Variants in CACNA2D3 observed in about 807,000 individuals in gnomAD.
The protein encoded by CACNA2D3 is calcium voltage-gated channel auxiliary subunit alpha2delta 3, also known as voltage-dependent calcium channel subunit alpha-2/delta-3.
A neutral mutation model predicts 160.6 loss-of-function variants in CACNA2D3; 60 were observed. The ratio of observed to expected loss-of-function variants is 0.37; its 90% CI spans 0.30 to 0.46. CACNA2D3 has a LOEUF of 0.46. CACNA2D3 is among the 20% of genes least tolerant of loss of function. CACNA2D3 has a pLI of 1.00. For synonymous variants in CACNA2D3, 558 were observed against 492.9 expected (o/e 1.13, Z -1.75); for missense variants, 1,205 against 1,365.0 (o/e 0.88, Z 1.85).
At position 54,469,732 on chromosome 3, in the gene CACNA2D3, A is replaced by G. The variant is rs188405171; in HGVS notation, c.382-33760A>G. ...TAGACTAACCAGTTTAGAGAATAACATAAATGACCTGATGGAGCTGAAAAA... is the reference window on the plus strand; with the variant it reads ...TAGACTAACCAGTTTAGAGAATAACGTAAATGACCTGATGGAGCTGAAAAA... On this transcript the variant is annotated intron_variant, in intron 4 of 37. Coordinates refer to ENST00000474759, the MANE Select transcript of CACNA2D3 (RefSeq NM_018398.3). Among the ~76,000 whole-genome samples the G allele has an allele frequency of 1.1e-3, 173 of 152,174 alleles. 2 individuals carry two copies. The highest frequency in any genetic ancestry group is 3.4e-3 in the Middle Eastern group (1 of 294).
At chr3:54,813,980 C>G (rs1337159323) in intron 13 of CACNA2D3, among the ~76,000 whole-genome samples, 1 of 151,678 alleles carries the variant, frequency 6.6e-6, no homozygotes, top group African/African-American at 2.4e-5. Context: ...TTCTCCCCAC[C>G]TCAGCCTCCC....
At chr3:54,515,195 T>TGA (rs1289904834) in intron 5 of CACNA2D3, among the ~76,000 whole-genome samples, 74 of 142,802 alleles carry the variant, frequency 5.2e-4, no homozygotes, top group African/African-American at 1.9e-3. Flanking sequence ...TGTGTGTGTG[T>TGA]GTGTGAGAGA....
intron 35 of CACNA2D3, among the ~76,000 whole-genome samples, chr3:55,028,210 A>G (rs1703607134): frequency 6.6e-6 from 1 of 152,204 alleles, no homozygotes. Flanking sequence ...CAACTCCAAA[A>G]GTGGACATTT....
intron 2 of CACNA2D3, among the ~76,000 whole-genome samples, chr3:54,238,639 G>C (rs769717019): frequency 5.3e-5 from 8 of 152,088 alleles, no homozygotes; most frequent in African/African-American, 1.9e-4. Context: ...AATATACCCT[G>C]TTTTTCCTGA....
At chr3:54,814,162 C>T (rs1417485331) in intron 13 of CACNA2D3, among the ~76,000 whole-genome samples, 1 of 152,168 alleles carries the variant, frequency 6.6e-6, no homozygotes, top group Non-Finnish European at 1.5e-5. Context: ...AGCCACTGCA[C>T]CTGGCTGGTC....
chr3:54,273,199 G>T (rs1025292971), intron 2 of CACNA2D3: 1 of 152,260 alleles, frequency 6.6e-6, no homozygotes, highest in African/African-American at 2.4e-5. Context: ...ATGTGTGAAG[G>T]CCCAGGGTTT....
intron 13 of CACNA2D3, among the ~76,000 whole-genome samples, chr3:54,776,277 G>A (rs949823155): frequency 1.3e-5 from 2 of 152,190 alleles, no homozygotes; most frequent in African/African-American, 4.8e-5. Context: ...ACTTAGCGAG[G>A]CTTAGGCAGG....
At chr3:54,908,146 T>A (rs541505333) in intron 27 of CACNA2D3, among the ~76,000 whole-genome samples, 69 of 152,350 alleles carry the variant, frequency 4.5e-4, no homozygotes, top group Non-Finnish European at 8.8e-4. Context: ...TTTTCCAAAG[T>A]GGCTGCACCA....
chr3:54,362,944 C>A (rs1426693999), intron 3 of CACNA2D3, among the ~76,000 whole-genome samples: 1 of 152,172 alleles, frequency 6.6e-6, no homozygotes, highest in Non-Finnish European at 1.5e-5. Flanking sequence ...TGCCTGTAAT[C>A]CCAGCACTTT....
rs528110724 is a variant in CACNA2D3 at position 54,469,428 on chromosome 3, C to T, written c.382-34064C>T. ...AAAAACCTCATCCGAATGTCTGTCA[C>T]CAGCATCAAAGACCAAAGGTTGATA... is the stretch of plus-strand genomic sequence containing the variant. On this transcript the variant is annotated intron_variant, in intron 4 of 37. Transcript: ENST00000474759. Among the ~76,000 whole-genome samples the T allele has an allele frequency of 4.0e-4, 61 of 152,306 alleles. 1 individual carries two copies. Among genetic ancestry groups the T allele is most frequent in the African/African-American group, 1.5e-3 (61 of 41,580 alleles).
chr3:54,752,010 A>G (rs979582325), intron 11 of CACNA2D3, among the ~76,000 whole-genome samples: 2 of 152,042 alleles, frequency 1.3e-5, no homozygotes, highest in Non-Finnish European at 2.9e-5. Context: ...AGGTTTTTAC[A>G]TTTGTTTTTT....
At chr3:54,780,097 C>A (rs1238305542) in intron 13 of CACNA2D3, among the ~76,000 whole-genome samples, 1 of 152,140 alleles carries the variant, frequency 6.6e-6, no homozygotes, top group Non-Finnish European at 1.5e-5. Flanking sequence ...TACAATGAGA[C>A]CCCAAGGCTT....
At chr3:54,139,531 A>C (rs1373910463) in intron 2 of CACNA2D3, among the ~76,000 whole-genome samples, 1 of 152,226 alleles carries the variant, frequency 6.6e-6, no homozygotes, top group African/African-American at 2.4e-5. Flanking sequence ...CCGCAGCCTC[A>C]TTCTTAGAGT....
intron 4 of CACNA2D3, among the ~76,000 whole-genome samples, chr3:54,492,228 A>AG (rs772103543): frequency 6.6e-6 from 1 of 152,204 alleles, no homozygotes; most frequent in Non-Finnish European, 1.5e-5. Flanking sequence ...TGAAGGCAAG[A>AG]GGGATGCCCA....
chr3:54,157,429 T>G (rs77060447), intron 2 of CACNA2D3, among the ~76,000 whole-genome samples: 3,984 of 152,238 alleles, frequency 0.026, 251 homozygotes, highest in East Asian at 0.2. Context: ...GCCCCTGTGC[T>G]TGGATGACTT....
At chr3:54,417,795 TGGGGG>T (rs71616810) in intron 4 of CACNA2D3, among the ~76,000 whole-genome samples, 1 of 68,064 alleles carries the variant, frequency 1.5e-5, no homozygotes, top group African/African-American at 5.2e-5. Context: ...TCTGTGTGTG[TGGGGG>T]GGGGGGTGGG....
At chr3:54,614,185 A>C (rs1002822656) in intron 9 of CACNA2D3, among the ~76,000 whole-genome samples, 4 of 152,200 alleles carry the variant, frequency 2.6e-5, no homozygotes, top group African/African-American at 9.7e-5. Flanking sequence ...TTTGGTAGCA[A>C]AGATGTGGGG....
chr3:54,474,985 A>T (rs1700803506), intron 4 of CACNA2D3, among the ~76,000 whole-genome samples: 1 of 152,172 alleles, frequency 6.6e-6, no homozygotes, highest in Admixed American at 6.6e-5. Flanking sequence ...TTTTATTTGT[A>T]AATTTATTCT....
At chr3:54,311,028 A>G (rs1245948579) in intron 2 of CACNA2D3, among the ~76,000 whole-genome samples, 1 of 152,206 alleles carries the variant, frequency 6.6e-6, no homozygotes, top group African/African-American at 2.4e-5. Flanking sequence ...TGCCCCTAGC[A>G]AGTGCACCTT....
Sources: allele counts gnomAD v4.1 joint callset (sites outside exome capture counted in the v4.1 genomes callset), GRCh38; gene constraint gnomAD v4.1.1; transcripts MANE v1.5; gene names NCBI Gene and HGNC (gene_info 2026-07-23, HGNC 2026-07-21).